MOGAT1: variants seen among roughly 807,000 people sequenced by gnomAD.
MOGAT1 encodes 2-acylglycerol O-acyltransferase 1.
A neutral mutation model predicts 31.4 loss-of-function variants in MOGAT1; 32 were observed. The ratio of observed to expected loss-of-function variants is 1.02; its 90% CI spans 0.77 to 1.37. The LOEUF is 1.37. MOGAT1 is among the 40% of genes most tolerant of loss of function. The pLI is 0.00. For synonymous variants in MOGAT1, 145 were observed against 144.5 expected (o/e 1.00, Z -0.03); for missense variants, 426 against 402.0 (o/e 1.06, Z -0.51).
At chr2:222,693,443 G>A (rs1574974440) in intron 3 of MOGAT1, among the ~76,000 whole-genome samples, 3 of 134,138 alleles carry the variant, frequency 2.2e-5, no homozygotes, top group East Asian at 4.3e-4. Flanking sequence ...GTTGTCAAAT[G>A]TCTTGTTTTT....
chr2:222,677,339 G>A (rs1692513276), intron 1 of MOGAT1, among the ~76,000 whole-genome samples: 1 of 152,170 alleles, frequency 6.6e-6, no homozygotes, highest in Non-Finnish European at 1.5e-5. Context: ...CCAGCACTTT[G>A]GGAGGCCGAG....
Position 222,709,745 on chromosome 2 carries a change from C to A in MOGAT1, c.863C>A (p.Pro288Gln). ...RKAIHTVVGR[P>Q]IPVRQTLNPT... ...ATTCCCTGATTTGCAGTTGGCCGCC[C>A]GATCCCTGTTCGTCAGACTCTGAAC... Residue 288 changes from proline to glutamine, a missense_variant, in exon 6 of 6, where the codon CCG (proline) becomes CAG (glutamine). Coordinates refer to ENST00000446656, the MANE Select transcript of MOGAT1 (RefSeq NM_058165.3). The A allele has an allele frequency of 6.2e-7, 1 of 1,612,268 alleles. No individual in the cohort carries two copies. The highest frequency in any genetic ancestry group is 8.5e-7 in the Non-Finnish European group (1 of 1,179,242).
chr2:222,694,634 T>C lies in MOGAT1; in HGVS notation c.653+98T>C, dbSNP rs561213467. The stretch of plus-strand genomic sequence containing the variant: ...GGTGATTTTCTAGCCCTTAAAGACC[T>C]CCTCCAAATCGATCTGACAGTAAAA... On this transcript the variant is annotated intron_variant, in intron 4 of 5. Transcript: ENST00000446656. 8.6e-6 allele frequency: 10 copies of C among 1,165,442 alleles called. No individual in the cohort carries two copies. In the African/African-American group the frequency reaches 1.2e-4, roughly 14 times the overall value. 72.2% of individuals were successfully genotyped at this position (1,165,442 alleles called of 1,614,324 possible).
chr2:222,680,701 T>C (rs1026174424), intron 1 of MOGAT1, among the ~76,000 whole-genome samples: 2 of 152,210 alleles, frequency 1.3e-5, no homozygotes, highest in Non-Finnish European at 2.9e-5. Flanking sequence ...TGCTTGCCTC[T>C]GAATTTTACT....
chr2:222,693,344 G>A lies in MOGAT1; in HGVS notation c.479-1018G>A, dbSNP rs146251837. 1.1e-3 allele frequency among the ~76,000 whole-genome samples: 171 copies of A among 151,542 alleles called. 1 individual carries two copies. In the East Asian group the frequency reaches 0.025, roughly 22 times the overall value. On this transcript the variant is annotated intron_variant, in intron 3 of 5. Transcript: ENST00000446656. ...CATGGGAAAGCCTGAAATACAGACC[G>A]AACAATTATCTAACTGTTTTAAATG... is the stretch of plus-strand genomic sequence containing the variant.
intron 1 of MOGAT1, among the ~76,000 whole-genome samples, chr2:222,673,132 C>G (rs1692445920): frequency 6.6e-6 from 1 of 151,472 alleles, no homozygotes; most frequent in Non-Finnish European, 1.5e-5. Flanking sequence ...AGGGTGGTCT[C>G]GAACTCCCAA....
At chr2:222,673,226 T>C (rs1692447560) in intron 1 of MOGAT1, among the ~76,000 whole-genome samples, 1 of 150,774 alleles carries the variant, frequency 6.6e-6, no homozygotes, top group African/African-American at 2.4e-5. Context: ...CCCTGGAATT[T>C]CTAAGTCATT....
At chr2:222,706,170 T>A (rs1271689520) in intron 5 of MOGAT1, among the ~76,000 whole-genome samples, 1 of 152,198 alleles carries the variant, frequency 6.6e-6, no homozygotes, top group South Asian at 2.1e-4. Flanking sequence ...GGATAAGTCT[T>A]ATGATTATAA....
At chr2:222,693,450 T>G (rs894946976) in intron 3 of MOGAT1, among the ~76,000 whole-genome samples, 2 of 63,776 alleles carry the variant, frequency 3.1e-5, no homozygotes, top group African/African-American at 1.5e-4. Context: ...AATGTCTTGT[T>G]TTTTTTTTTT....
At chr2:222,695,890 A>G (rs750788074) in intron 5 of MOGAT1, among the ~76,000 whole-genome samples, 2 of 151,892 alleles carry the variant, frequency 1.3e-5, no homozygotes, top group Admixed American at 1.3e-4. Context: ...TCCACCCAAT[A>G]TGTAGTCTTT....
chr2:222,701,400 G>GAA (rs557047131), intron 5 of MOGAT1, among the ~76,000 whole-genome samples: 1 of 141,400 alleles, frequency 7.1e-6, no homozygotes, highest in African/African-American at 2.6e-5. Flanking sequence ...AAGAAAGAAA[G>GAA]AGAGAGAGAG....
At chr2:222,686,676 C>G (rs950578823) in intron 1 of MOGAT1, among the ~76,000 whole-genome samples, 1 of 152,162 alleles carries the variant, frequency 6.6e-6, no homozygotes, top group African/African-American at 2.4e-5. Flanking sequence ...ACAGGATACC[C>G]CACAGAGGTG....
At position 222,703,972 on chromosome 2, in the gene MOGAT1, G is replaced by A. The variant is rs376692075; in HGVS notation, c.854-5764G>A. 4.6e-5 allele frequency among the ~76,000 whole-genome samples: 7 copies of A among 152,226 alleles called. No homozygotes were observed. In the East Asian group the frequency reaches 9.7e-4, roughly 21 times the overall value. On this transcript the variant is annotated intron_variant, in intron 5 of 5. Coordinates refer to ENST00000446656, the MANE Select transcript of MOGAT1 (RefSeq NM_058165.3). Reference sequence around the variant, plus strand: ...GGTACAGCATAGCACCGTAGAAACTGAAGCAAGATAGCTGTGTAAGGCAAT... The same window carrying A: ...GGTACAGCATAGCACCGTAGAAACTAAAGCAAGATAGCTGTGTAAGGCAAT...
In MOGAT1 at chr2:222,694,685, G is replaced by A. The variant is rs928481827; in HGVS notation, c.653+149G>A. Reference sequence around the variant, plus strand: ...GCAGGTGTGGATGTTCTTGGGGAATGGAATATGACCTTTTTACTACAGTAG... The same window carrying A: ...GCAGGTGTGGATGTTCTTGGGGAATAGAATATGACCTTTTTACTACAGTAG... On this transcript the variant is annotated intron_variant, in intron 4 of 5. Coordinates refer to ENST00000446656, the MANE Select transcript of MOGAT1 (RefSeq NM_058165.3). The A allele has an allele frequency of 4.0e-6, 3 of 747,708 alleles. No individual in the cohort carries two copies. In the African/African-American group the frequency reaches 5.3e-5, roughly 13 times the overall value. The allele number at this position is 747,708 out of a possible 1,614,324, so 46.3% of individuals were successfully genotyped here.
rs1692808950 is a variant in MOGAT1, at chr2:222,694,309, T to C, written c.479-53T>C. 5 of 1,435,392 alleles carry C rather than the reference T, an allele frequency of 3.5e-6. No homozygotes were observed. The African/African-American group carries it at 4.3e-5, about 12-fold the overall frequency. The allele number at this position is 1,435,392 out of a possible 1,614,324, so 88.9% of individuals were successfully genotyped here. A position where few individuals can be genotyped will look rare whatever the true frequency, so the allele number is the denominator to read the frequency against. ...TGTCATGGAATATTATGATAAAACA[T>C]TGTAATATTGTTAGAAAAGGATAAC... is the stretch of plus-strand genomic sequence containing the variant. On this transcript the variant is annotated intron_variant, in intron 3 of 5. Transcript: ENST00000446656.
chr2:222,709,667 C>T (rs866293278), intron 5 of MOGAT1, 69 bp from the exon 6 acceptor site: 1 of 1,421,368 alleles, frequency 7.0e-7, no homozygotes, highest in Non-Finnish European at 9.8e-7. Flanking sequence ...CACAGCTGTG[C>T]ATTAGGGGCG....
chr2:222,688,547 A>G (rs1692710937), intron 2 of MOGAT1, 25 bp downstream of exon 2: 3 of 1,529,780 alleles, frequency 2.0e-6, no homozygotes, highest in Non-Finnish European at 2.7e-6. Flanking sequence ...TTTATAAAGT[A>G]TTATTTTGAT....
chr2:222,697,997 G>A (rs530902931), intron 5 of MOGAT1, among the ~76,000 whole-genome samples: 3 of 152,196 alleles, frequency 2.0e-5, no homozygotes, highest in Non-Finnish European at 4.4e-5. Flanking sequence ...AACTACAGAA[G>A]GACCGAATTA....
chr2:222,680,264 G>T (rs952498), intron 1 of MOGAT1, among the ~76,000 whole-genome samples: 65,011 of 152,026 alleles, frequency 0.43, 16,100 homozygotes, highest in African/African-American at 0.7. Flanking sequence ...TGGATTTCAG[G>T]TTGAACTATA....
Sources: allele counts gnomAD v4.1 joint callset (sites outside exome capture counted in the v4.1 genomes callset), GRCh38; gene constraint gnomAD v4.1.1; transcripts MANE v1.5; gene names NCBI Gene and HGNC (gene_info 2026-07-23, HGNC 2026-07-21).